Variants in ENAH observed in about 807,000 individuals in gnomAD.
The protein encoded by ENAH is protein enabled homolog.
Under a neutral mutation model 78.7 loss-of-function variants are expected in ENAH, and 23 were observed. The observed-to-expected ratio is 0.29, with a 90% confidence interval of 0.21 to 0.41. ENAH has a LOEUF of 0.41. Ranked by LOEUF, ENAH falls within the 10% of genes least tolerant of loss-of-function variation. ENAH has a pLI of 1.00. For synonymous variants in ENAH, 226 were observed against 241.0 expected (o/e 0.94, Z 0.58); for missense variants, 544 against 691.0 (o/e 0.79, Z 2.39).
intron 10 of ENAH, among the ~76,000 whole-genome samples, chr1:225,510,181 TTTTGA>T (rs2096365563): frequency 6.6e-6 from 1 of 152,176 alleles, no homozygotes; most frequent in Admixed American, 6.5e-5. Context: ...GCCCTGCCCT[TTTTGA>T]TTTTATATAT....
At chr1:225,601,140 T>A (rs182806253) in intron 1 of ENAH, among the ~76,000 whole-genome samples, 1 of 152,238 alleles carries the variant, frequency 6.6e-6, no homozygotes, top group East Asian at 1.9e-4. Flanking sequence ...CAACAATTAC[T>A]CTTAATCAAC....
At chr1:225,581,974 T>C (rs2096820772) in intron 1 of ENAH, among the ~76,000 whole-genome samples, 1 of 151,960 alleles carries the variant, frequency 6.6e-6, no homozygotes, top group Non-Finnish European at 1.5e-5. Flanking sequence ...AGAACAACTA[T>C]ATGAAATGTA....
chr1:225,541,621 A>G (rs1306130076), intron 3 of ENAH, among the ~76,000 whole-genome samples: 1 of 152,196 alleles, frequency 6.6e-6, no homozygotes. Context: ...TCATCTCACA[A>G]TTGTTTATAA....
At chr1:225,576,661 A>G (rs934766093) in intron 1 of ENAH, among the ~76,000 whole-genome samples, 3 of 152,204 alleles carry the variant, frequency 2.0e-5, no homozygotes, top group African/African-American at 7.2e-5. Flanking sequence ...ATTAACACAT[A>G]TAACAGAGAC....
At position 225,512,907 on chromosome 1, in the gene ENAH, C is replaced by A; in HGVS notation, c.1328G>T (p.Gly443Val). Residue 443 changes from glycine to valine, a missense_variant, in exon 8 of 14, where the codon GGT becomes GTT. Gly to Val is a moderately radical substitution (Grantham distance 109). Transcript: ENST00000366843. The part of the protein sequence containing the change: ...GNGPLPLGGS[G>V]LMEEMSALLA... The stretch of plus-strand genomic sequence containing the variant: ...CAGGGCACTCATTTCTTCCATTAAA[C>A]CACTACCCCCTAAAGGAAGGGGTCC... 6.2e-7 allele frequency: 1 copy of A among 1,614,048 alleles called. No individual in the cohort carries two copies. The highest frequency in any genetic ancestry group is 8.5e-7 in the Non-Finnish European group (1 of 1,179,968).
chr1:225,569,415 G>T (rs1026585611), intron 1 of ENAH, among the ~76,000 whole-genome samples: 2 of 152,082 alleles, frequency 1.3e-5, no homozygotes, highest in African/African-American at 4.8e-5. Flanking sequence ...CATGGCACAC[G>T]TATACCTATG....
At chr1:225,502,768 A>C (rs902774608) in intron 11 of ENAH, among the ~76,000 whole-genome samples, 1 of 152,196 alleles carries the variant, frequency 6.6e-6, no homozygotes, top group Admixed American at 6.5e-5. Flanking sequence ...AGATTTACTT[A>C]GATCCATAAA....
chr1:225,567,473 C>A, intron 1 of ENAH, 59 bp from the exon 2 acceptor site: 1 of 1,499,292 alleles, frequency 6.7e-7, no homozygotes, highest in Non-Finnish European at 9.0e-7. Context: ...CTAAGTGTTC[C>A]ACATAGCCAC....
chr1:225,652,599 A>G, intron 1 of ENAH, 87 bp downstream of exon 1: 1 of 1,201,188 alleles, frequency 8.3e-7, no homozygotes, highest in Non-Finnish European at 1.1e-6. Context: ...CCGGGCCGGG[A>G]GAGGGAAGGC....
At chr1:225,648,232 T>C (rs1429475758) in intron 1 of ENAH, among the ~76,000 whole-genome samples, 1 of 152,218 alleles carries the variant, frequency 6.6e-6, no homozygotes, top group Non-Finnish European at 1.5e-5. Flanking sequence ...CAACTTTAAG[T>C]TGGCACAAGT....
At chr1:225,576,483 T>G (rs1159993667) in intron 1 of ENAH, among the ~76,000 whole-genome samples, 3 of 152,202 alleles carry the variant, frequency 2.0e-5, no homozygotes, top group Admixed American at 6.5e-5. Flanking sequence ...TCTAACAGAA[T>G]TCTGTATTCA....
Position 225,516,572 on chromosome 1 carries a change from T to C in ENAH, c.913+624A>G, listed in dbSNP as rs776844659. On this transcript the variant is annotated intron_variant, in intron 6 of 13. Transcript: ENST00000366843. ...TAGATCAACGTGTCAAGCAAAGTTT[T>C]CCCAGTGAAAGACATGTATTAGCTG... 2.9e-4 allele frequency among the ~76,000 whole-genome samples: 44 copies of C among 152,140 alleles called. 1 individual carries two copies. The highest frequency in any genetic ancestry group is 6.6e-5 in the Admixed American group (1 of 15,264).
At chr1:225,641,889 C>T (rs941892448) in intron 1 of ENAH, among the ~76,000 whole-genome samples, 2 of 152,014 alleles carry the variant, frequency 1.3e-5, no homozygotes, top group Non-Finnish European at 2.9e-5. Context: ...GGCGTGGTCT[C>T]GTGCATCTGT....
chr1:225,576,261 G>A (rs1468118714), intron 1 of ENAH, among the ~76,000 whole-genome samples: 1 of 142,444 alleles, frequency 7.0e-6, no homozygotes, highest in Non-Finnish European at 1.5e-5. Flanking sequence ...GCATGACAGA[G>A]TGAGACTCTG....
At chr1:225,624,314 G>A (rs6687947) in intron 1 of ENAH, among the ~76,000 whole-genome samples, 11,744 of 151,922 alleles carry the variant, frequency 0.077, 1,528 homozygotes, top group African/African-American at 0.27. Context: ...GGAAGAAAAG[G>A]ACAAAGAAAT....
chr1:225,636,586 G>A (rs367654048), intron 1 of ENAH, among the ~76,000 whole-genome samples: 5 of 152,240 alleles, frequency 3.3e-5, no homozygotes, highest in South Asian at 2.1e-4. Context: ...GCTCACAGCC[G>A]TAATTCCAGC....
chr1:225,589,346 G>C (rs149847560), intron 1 of ENAH, among the ~76,000 whole-genome samples: 14 of 152,084 alleles, frequency 9.2e-5, no homozygotes, highest in African/African-American at 3.4e-4. Flanking sequence ...CCTAGGTAAC[G>C]ATATAAATAC....
chr1:225,615,246 T>C (rs1205186349), intron 1 of ENAH, among the ~76,000 whole-genome samples: 1 of 152,096 alleles, frequency 6.6e-6, no homozygotes, highest in African/African-American at 2.4e-5. Context: ...GGTTTCGCCG[T>C]GTTGGCCCGA....
chr1:225,501,068 G>A lies in ENAH; in HGVS notation c.1541C>T (p.Pro514Leu). 6.2e-7 allele frequency: 1 copy of A among 1,613,608 alleles called. No individual in the cohort carries two copies. The highest frequency in any genetic ancestry group is 8.5e-7 in the Non-Finnish European group (1 of 1,179,692). Residue 514 changes from proline to leucine, a missense_variant and splice_region_variant, in exon 12 of 14, where the codon CCA becomes CTA. Pro to Leu is a moderately conservative substitution (Grantham distance 98, BLOSUM62 -3). Coordinates refer to ENST00000366843, the MANE Select transcript of ENAH (RefSeq NM_018212.6). ...GGGCTGTGATAAGGGTGTGGATTTT[G>A]GTCTGTATAAATGAGATTTCCAGGA... ...NGSKSPVISR[P>L]KSTPLSQPSA...
Sources: allele counts gnomAD v4.1 joint callset (sites outside exome capture counted in the v4.1 genomes callset), GRCh38; gene constraint gnomAD v4.1.1; transcripts MANE v1.5; gene names NCBI Gene and HGNC (gene_info 2026-07-23, HGNC 2026-07-21).